RAD51B: variants seen among roughly 807,000 people sequenced by gnomAD.
RAD51B encodes DNA repair protein RAD51 homolog 2.
Under a neutral mutation model 42.2 loss-of-function variants are expected in RAD51B, and 38 were observed. The observed-to-expected ratio is 0.90, with a 90% CI of 0.70 to 1.18. RAD51B has a LOEUF of 1.18. Ranked by LOEUF, RAD51B falls within the 50% of genes most tolerant of loss-of-function variation. The pLI is 0.00. For missense variants in RAD51B, 373 were observed against 400.7 expected (o/e 0.93, Z 0.59); for synonymous variants, 154 against 145.2 (o/e 1.06, Z -0.43).
intron 10 of RAD51B, among the ~76,000 whole-genome samples, chr14:68,489,955 A>T (rs1041551500): frequency 6.6e-6 from 1 of 152,214 alleles, no homozygotes; most frequent in Non-Finnish European, 1.5e-5. Flanking sequence ...TGGCAGATAT[A>T]TGTGAATGGA....
At chr14:68,300,082 C>T (rs771918322) in intron 8 of RAD51B, among the ~76,000 whole-genome samples, 17 of 152,254 alleles carry the variant, frequency 1.1e-4, no homozygotes, top group Middle Eastern at 3.4e-3. Flanking sequence ...GGACAGATTC[C>T]TTTTGAAGGG....
intron 7 of RAD51B, among the ~76,000 whole-genome samples, chr14:68,240,238 A>G (rs903844093): frequency 6.6e-6 from 1 of 152,176 alleles, no homozygotes; most frequent in Non-Finnish European, 1.5e-5. Context: ...TGTGTGTGTA[A>G]TAAGTGCGAT....
At chr14:68,473,684 A>C (rs1267590551) in intron 10 of RAD51B, among the ~76,000 whole-genome samples, 1 of 152,192 alleles carries the variant, frequency 6.6e-6, no homozygotes, top group African/African-American at 2.4e-5. Flanking sequence ...CCAAATAAAT[A>C]CTAAAATTTT....
chr14:68,176,028 A>G (rs542315058), intron 7 of RAD51B, among the ~76,000 whole-genome samples: 1 of 152,298 alleles, frequency 6.6e-6, no homozygotes, highest in South Asian at 2.1e-4. Context: ...GCACTCATAA[A>G]TAAATGGCCA....
At chr14:68,115,491 C>T (rs1225323362) in intron 7 of RAD51B, among the ~76,000 whole-genome samples, 1 of 120,076 alleles carries the variant, frequency 8.3e-6, no homozygotes, top group Admixed American at 9.1e-5. Flanking sequence ...CACATGTATA[C>T]ATATGTAACT....
intron 8 of RAD51B, among the ~76,000 whole-genome samples, chr14:68,301,269 A>G (rs2081728825): frequency 6.6e-6 from 1 of 152,152 alleles, no homozygotes; most frequent in Non-Finnish European, 1.5e-5. Context: ...TTTTGTTTTA[A>G]AATATGATGT....
chr14:68,517,546 A>G lies in RAD51B; in HGVS notation c.1036+49296A>G, dbSNP rs540912192. ...TAATTTTGAGCTTGCAGACACCCTG[A>G]TAGGGTCTCAGGGATCCCAGGGGAC... On this transcript the variant is annotated intron_variant, in intron 10 of 10. Coordinates refer to the RAD51B transcript ENST00000487270. Among the ~76,000 whole-genome samples the G allele has an allele frequency of 5.9e-5, 9 of 152,322 alleles. No individual in the cohort carries two copies. The East Asian group carries it at 1.5e-3, about 26-fold the overall frequency.
At chr14:68,680,765 C>G in intron 11 of RAD51B, among the ~76,000 whole-genome samples, 1 of 152,134 alleles carries the variant, frequency 6.6e-6, no homozygotes, top group East Asian at 1.9e-4. Flanking sequence ...GATCTGTTTC[C>G]TTCAATAAAC....
intron 7 of RAD51B, among the ~76,000 whole-genome samples, chr14:68,087,986 A>ATT (rs1463232063): frequency 7.8e-6 from 1 of 128,602 alleles, no homozygotes; most frequent in African/African-American, 3.0e-5. Context: ...ATAATTATAT[A>ATT]ATATATTATT....
At chr14:68,580,396 GTCCTACCTTTGA>G (rs1467091391) in intron 10 of RAD51B, among the ~76,000 whole-genome samples, 1 of 152,132 alleles carries the variant, frequency 6.6e-6, no homozygotes, top group African/African-American at 2.4e-5. Context: ...GAGGAGGCCT[GTCCTACCTTTGA>G]GTAGCTGTGT....
chr14:67,920,093 G>A (rs1451495589), intron 7 of RAD51B, among the ~76,000 whole-genome samples: 1 of 152,054 alleles, frequency 6.6e-6, no homozygotes. Context: ...GTGCTATCAT[G>A]TTTATAAGAA....
chr14:68,446,764 A>C (rs139484047), intron 9 of RAD51B, among the ~76,000 whole-genome samples: 55 of 152,292 alleles, frequency 3.6e-4, no homozygotes, highest in African/African-American at 1.3e-3. Context: ...TGAATAATTG[A>C]ATTAATATAA....
chr14:68,419,876 A>G (rs17828691), intron 9 of RAD51B, among the ~76,000 whole-genome samples: 25,434 of 152,152 alleles, frequency 0.17, 2,803 homozygotes, highest in Non-Finnish European at 0.25. Flanking sequence ...CTGCCATCCT[A>G]GGGTCCCATA....
At chr14:68,050,296 G>A (rs979543138) in intron 7 of RAD51B, among the ~76,000 whole-genome samples, 2 of 143,856 alleles carry the variant, frequency 1.4e-5, no homozygotes, top group African/African-American at 5.2e-5. Flanking sequence ...TTCTACCTCT[G>A]TCCTCTTCCC....
chr14:68,644,977 T>C (rs1247100350), intron 10 of RAD51B, among the ~76,000 whole-genome samples: 3 of 152,256 alleles, frequency 2.0e-5, no homozygotes, highest in African/African-American at 7.2e-5. Flanking sequence ...GTTTCATTTT[T>C]TCACTGTGTT....
At chr14:68,438,506 C>G (rs1260056601) in intron 9 of RAD51B, among the ~76,000 whole-genome samples, 1 of 152,112 alleles carries the variant, frequency 6.6e-6, no homozygotes, top group African/African-American at 2.4e-5. Context: ...ATGGCTGCTT[C>G]CATTCTTCCA....
chr14:68,332,684 T>C (rs919199962), intron 8 of RAD51B, among the ~76,000 whole-genome samples: 3 of 152,158 alleles, frequency 2.0e-5, no homozygotes, highest in African/African-American at 7.2e-5. Flanking sequence ...TAGTTAGCCA[T>C]AGGGCAAAAA....
chr14:68,020,487 A>G (rs1440626224), intron 7 of RAD51B, among the ~76,000 whole-genome samples: 1 of 152,162 alleles, frequency 6.6e-6, no homozygotes, highest in Non-Finnish European at 1.5e-5. Flanking sequence ...TACACTAGAA[A>G]TACACTTCCT....
downstream of RAD51B, among the ~76,000 whole-genome samples, chr14:68,480,437 T>C (rs1176553083): frequency 6.6e-6 from 1 of 152,214 alleles, no homozygotes; most frequent in African/African-American, 2.4e-5. Context: ...TCATGCAAGA[T>C]ATTACTTTTT....
Sources: gnomAD v4.1 joint callset for allele counts (sites outside exome capture counted in the v4.1 genomes callset) on GRCh38, gnomAD v4.1.1 for gene constraint, MANE v1.5 for transcripts, NCBI Gene and HGNC (gene_info 2026-07-23, HGNC 2026-07-21) for gene names.